SEMA3A: variants seen among roughly 807,000 people sequenced by gnomAD.
SEMA3A encodes the protein semaphorin 3A, also known as semaphorin-3A.
SEMA3A carries 29 observed loss-of-function variants against 97.9 expected under a neutral mutation model. The ratio of observed to expected loss-of-function variants is 0.30; its 90% CI spans 0.22 to 0.40. SEMA3A has a LOEUF of 0.40. SEMA3A is among the 10% of genes least tolerant of loss of function. The probability of loss-of-function intolerance (pLI) is 1.00; values close to 1 mark genes in which losing one functional copy is unlikely to be tolerated. For missense variants in SEMA3A, 763 were observed against 951.3 expected (o/e 0.80, Z 2.60); for synonymous variants, 321 against 323.7 (o/e 0.99, Z 0.09).
At chr7:84,379,249 A>T (rs1221545260) in intron 1 of SEMA3A, among the ~76,000 whole-genome samples, 3 of 152,052 alleles carry the variant, frequency 2.0e-5, no homozygotes, top group African/African-American at 7.2e-5. Context: ...TTAATTATTT[A>T]TTCTAAGTTT....
At chr7:84,115,628 A>G (rs1192059676) in intron 3 of SEMA3A, among the ~76,000 whole-genome samples, 1 of 152,072 alleles carries the variant, frequency 6.6e-6, no homozygotes, top group African/African-American at 2.4e-5. Flanking sequence ...ATTCATCAGG[A>G]TGTGTGCCAT....
At chr7:84,175,712 A>G (rs1797540199) in intron 1 of SEMA3A, among the ~76,000 whole-genome samples, 2 of 145,064 alleles carry the variant, frequency 1.4e-5, no homozygotes, top group African/African-American at 5.2e-5. Flanking sequence ...GATGAATGTT[A>G]TGGTTGGAAA....
intron 6 of SEMA3A, among the ~76,000 whole-genome samples, chr7:84,037,818 G>A (rs1791995203): frequency 1.3e-5 from 2 of 151,890 alleles, no homozygotes; most frequent in African/African-American, 4.8e-5. Context: ...AATGCAAAAT[G>A]TATATGATAA....
intron 1 of SEMA3A, among the ~76,000 whole-genome samples, chr7:84,457,161 A>G (rs1208145555): frequency 6.6e-6 from 1 of 151,762 alleles, no homozygotes; most frequent in Non-Finnish European, 1.5e-5. Context: ...GTGTGGAATG[A>G]AGTGTTAGGA....
chr7:83,991,789 G>T, intron 12 of SEMA3A, among the ~76,000 whole-genome samples: 1 of 133,866 alleles, frequency 7.5e-6, no homozygotes, highest in Non-Finnish European at 1.6e-5. Flanking sequence ...CTCTTTTTTG[G>T]TTGTGTCTCT....
rs1414137226 is a variant in SEMA3A, at chr7:84,121,759, C to T, written c.333+7364G>A. Among the ~76,000 whole-genome samples the T allele has an allele frequency of 9.7e-5, 4 of 41,340 alleles. 2 individuals carry two copies. Among genetic ancestry groups the T allele is most frequent in the Admixed American group, 6.7e-4 (2 of 2,982 alleles). The allele number at this position is 41,340 out of a possible 152,430, so 27.1% of individuals were successfully genotyped here. ...GTTCACGCCATTCTCCTGCCTCAGC[C>T]TCCCAAGTAGCTGGGACTACAGGCG... On this transcript the variant is annotated intron_variant, in intron 3 of 16. Transcript: ENST00000265362.
chr7:83,980,608 A>AAAAAAACAAAC (rs1554383389), intron 14 of SEMA3A, among the ~76,000 whole-genome samples: 2 of 54,840 alleles, frequency 3.6e-5, no homozygotes, highest in African/African-American at 1.3e-4. Context: ...CATCTCAAAA[A>AAAAAAACAAAC]AAAAAAAAAA....
Position 84,415,505 on chromosome 7 carries a change from C to G in SEMA3A, c.-245-43605G>C, listed in dbSNP as rs76982389. On this transcript the variant is annotated intron_variant, in intron 1 of 3. Coordinates refer to the SEMA3A transcript ENST00000424555. Reference sequence around the variant, plus strand: ...GCAGAAAAATTTTGAGATTGTATTTCACAATTATTTTCATATTGCTTTCAA... The same window carrying G: ...GCAGAAAAATTTTGAGATTGTATTTGACAATTATTTTCATATTGCTTTCAA... 0.014 allele frequency among the ~76,000 whole-genome samples: 2,054 copies of G among 152,114 alleles called. 94 individuals are homozygous for G. In the East Asian group the frequency reaches 0.16, roughly 12 times the overall value.
intron 3 of SEMA3A, among the ~76,000 whole-genome samples, chr7:84,221,743 A>C (rs1798888125): frequency 6.6e-6 from 1 of 152,044 alleles, no homozygotes; most frequent in African/African-American, 2.4e-5. Context: ...GGCATAGTTT[A>C]TGGCATCCCA....
At chr7:84,269,052 T>C (rs953990654) in intron 3 of SEMA3A, among the ~76,000 whole-genome samples, 1 of 152,166 alleles carries the variant, frequency 6.6e-6, no homozygotes, top group African/African-American at 2.4e-5. Flanking sequence ...TTTCTTCTTT[T>C]TAATCATTCT....
chr7:84,427,672 G>A (rs1425595870), intron 1 of SEMA3A, among the ~76,000 whole-genome samples: 84 of 60,720 alleles, frequency 1.4e-3, no homozygotes, highest in Non-Finnish European at 1.7e-3. Flanking sequence ...AAAAAAAAAA[G>A]TATTCACTCA....
At position 84,002,055 on chromosome 7, in the gene SEMA3A, G is replaced by C. The variant is rs775432394; in HGVS notation, c.1361-9C>G. 3.2e-6 allele frequency: 5 copies of C among 1,540,528 alleles called. No individual in the cohort carries two copies. The highest frequency in any genetic ancestry group is 1.7e-5 in the Admixed American group (1 of 58,614). ...AAGAACGGTCCCAACATCTTTGAAA[G>C]AAAGTGGGGAGAAGACCACAAGTTA... On this transcript the variant is annotated splice_polypyrimidine_tract_variant and intron_variant, in intron 11 of 16. Coordinates refer to ENST00000265362, the MANE Select transcript of SEMA3A (RefSeq NM_006080.3).
intron 1 of SEMA3A, among the ~76,000 whole-genome samples, chr7:84,138,202 T>C (rs1456503524): frequency 6.6e-6 from 1 of 151,754 alleles, no homozygotes; most frequent in Non-Finnish European, 1.5e-5. Context: ...TGGAGTAGAC[T>C]GAAAACTATA....
rs1378128390 is a variant in SEMA3A at position 84,296,078 on chromosome 7, G to T, written c.-83+11129C>A. ...TACAAGAGATAAAACAGTACACAGA[G>T]AATTCCTGACTTAAGAGAAAAATGT... On this transcript the variant is annotated intron_variant, in intron 3 of 3. Transcript: ENST00000424555. Among the ~76,000 whole-genome samples, 7 of 152,088 alleles carry T rather than the reference G, an allele frequency of 4.6e-5. No homozygotes were observed. In the East Asian group the frequency reaches 9.7e-4, roughly 21 times the overall value.
chr7:84,005,620 TATA>T, intron 10 of SEMA3A, 62 bp from the exon 11 acceptor site: 1 of 1,142,882 alleles, frequency 8.7e-7, no homozygotes, highest in Non-Finnish European at 1.3e-6. Context: ...TTATAAATTA[TATA>T]ATAACACATG....
At chr7:84,035,791 C>A (rs768976687) in intron 6 of SEMA3A, among the ~76,000 whole-genome samples, 1 of 152,004 alleles carries the variant, frequency 6.6e-6, no homozygotes, top group Non-Finnish European at 1.5e-5. Context: ...TCTTTCTAAA[C>A]ACCAATCTAC....
intron 2 of SEMA3A, among the ~76,000 whole-genome samples, chr7:84,331,941 C>T (rs1207643884): frequency 6.6e-6 from 1 of 152,098 alleles, no homozygotes; most frequent in Non-Finnish European, 1.5e-5. Context: ...ATGAAATGTT[C>T]TGGCACAGTG....
intron 1 of SEMA3A, among the ~76,000 whole-genome samples, chr7:84,452,909 G>A (rs1805593573): frequency 6.8e-6 from 1 of 146,694 alleles, no homozygotes; most frequent in Admixed American, 6.7e-5. Context: ...AGCAAACAAG[G>A]GCCTTTTTTG....
chr7:84,373,661 A>G (rs1305184290), intron 1 of SEMA3A, among the ~76,000 whole-genome samples: 1 of 152,240 alleles, frequency 6.6e-6, no homozygotes, highest in Non-Finnish European at 1.5e-5. Flanking sequence ...TAGAATTGCA[A>G]TAATACAACC....
Sources: gnomAD v4.1 joint callset for allele counts (sites outside exome capture counted in the v4.1 genomes callset) on GRCh38, gnomAD v4.1.1 for gene constraint, MANE v1.5 for transcripts, NCBI Gene and HGNC (gene_info 2026-07-23, HGNC 2026-07-21) for gene names.